Variants in NCOA1 observed in about 807,000 individuals in gnomAD.
NCOA1 encodes Hin-2 protein.
In NCOA1, 35 loss-of-function variants were observed where a neutral mutation model predicts 150.9. The observed-to-expected ratio is 0.23, with a 90% CI of 0.18 to 0.31. The LOEUF (loss-of-function observed/expected upper bound fraction) is 0.31. NCOA1 is among the 10% of genes least tolerant of loss of function. The pLI is 1.00. For synonymous variants in NCOA1, 590 were observed against 630.0 expected, an observed-to-expected ratio of 0.94 and a Z score of 0.95; for missense variants, 1,491 against 1,749.3, an observed-to-expected ratio of 0.85 and a Z score of 2.63.
chr2:24,514,963 C>T (rs562663781), intron 1 of NCOA1, among the ~76,000 whole-genome samples: 166 of 152,060 alleles, frequency 1.1e-3, no homozygotes, highest in African/African-American at 3.7e-3. Flanking sequence ...AGAGATGGTA[C>T]GGATTCATTG....
intron 8 of NCOA1, among the ~76,000 whole-genome samples, chr2:24,687,896 T>TA (rs1462216328): frequency 6.6e-6 from 1 of 152,182 alleles, no homozygotes; most frequent in Non-Finnish European, 1.5e-5. Context: ...CTGATCCTCT[T>TA]ACTCCTGCCA....
intron 1 of NCOA1, among the ~76,000 whole-genome samples, chr2:24,552,354 T>TATACATA (rs1491126634): frequency 2.9e-5 from 1 of 34,388 alleles, no homozygotes. Flanking sequence ...TATATATATA[T>TATACATA]TTTTTTTTTT....
chr2:24,694,429 TTA>T (rs910666514), intron 10 of NCOA1, among the ~76,000 whole-genome samples: 2 of 152,190 alleles, frequency 1.3e-5, no homozygotes, highest in African/African-American at 4.8e-5. Context: ...TTGTGAAAGT[TTA>T]GTTTTAGTGT....
At chr2:24,638,570 T>C (rs1670045631) in intron 3 of NCOA1, among the ~76,000 whole-genome samples, 1 of 152,186 alleles carries the variant, frequency 6.6e-6, no homozygotes. Context: ...CTCCATACTG[T>C]TCTCCATAGT....
At chr2:24,565,813 C>T (rs901801253) in intron 2 of NCOA1, among the ~76,000 whole-genome samples, 1 of 152,148 alleles carries the variant, frequency 6.6e-6, no homozygotes, top group Non-Finnish European at 1.5e-5. Flanking sequence ...CAGCTCCAGG[C>T]ATCAGCACGG....
rs201438071 is a variant in NCOA1 at position 24,629,807 on chromosome 2, AACATACAT to A, written c.-174-14153_-174-14146del. ...TCATGTGCCAGACACTGTTTTAAGT[AACATACAT>A]ACATATATATATATATATATATATA... On this transcript the variant is annotated intron_variant, in intron 3 of 22. Coordinates refer to ENST00000348332, the MANE Select transcript of NCOA1 (RefSeq NM_003743.5). Among the ~76,000 whole-genome samples, 11 of 107,380 alleles carry A rather than the reference AACATACAT, an allele frequency of 1.0e-4. 1 individual carries two copies. Among genetic ancestry groups the A allele is most frequent in the African/African-American group, 2.7e-4 (7 of 26,070 alleles). 70.4% of individuals were successfully genotyped at this position (107,380 alleles called of 152,430 possible).
intron 1 of NCOA1, among the ~76,000 whole-genome samples, chr2:24,548,183 A>G (rs959114998): frequency 1.3e-4 from 20 of 152,166 alleles, no homozygotes; most frequent in African/African-American, 4.6e-4. Flanking sequence ...ACAGTTCGAC[A>G]TGACTGGGGA....
intron 1 of NCOA1, among the ~76,000 whole-genome samples, chr2:24,561,659 A>G (rs1329720754): frequency 2.0e-5 from 3 of 152,196 alleles, no homozygotes; most frequent in Non-Finnish European, 4.4e-5. Context: ...AGCACTTTGT[A>G]TAGATAAAAA....
intron 2 of NCOA1, among the ~76,000 whole-genome samples, chr2:24,576,177 T>TG (rs1666972314): frequency 1.2e-5 from 1 of 85,428 alleles, no homozygotes; most frequent in African/African-American, 3.6e-5. Context: ...TTTGTTTTTT[T>TG]TTTTTTTTTT....
At chr2:24,606,849 C>T (rs897122722) in intron 3 of NCOA1, among the ~76,000 whole-genome samples, 1 of 152,012 alleles carries the variant, frequency 6.6e-6, no homozygotes, top group East Asian at 1.9e-4. Context: ...TGCATAAATT[C>T]GATATATTTT....
At chr2:24,655,349 G>A (rs1333291362) in intron 4 of NCOA1, among the ~76,000 whole-genome samples, 2 of 152,034 alleles carry the variant, frequency 1.3e-5, no homozygotes, top group Non-Finnish European at 2.9e-5. Context: ...CTATATGCTT[G>A]TATATACAGA....
At chr2:24,683,222 A>T in intron 8 of NCOA1, 94 bp downstream of exon 8, 20 of 705,080 alleles carry the variant, frequency 2.8e-5, no homozygotes, top group Non-Finnish European at 4.1e-5. Context: ...TTTATAATAC[A>T]CAGTATTATA....
In NCOA1 at chr2:24,707,775, G is replaced by A; in HGVS notation, c.2305G>A (p.Asp769Asn). ...AAGATCAACTCCAAACCTGAGCCTG[G>A]ATGATGTAAAGGTGAAAGTGGAAAA... ...DLRSTPNLSL[D>N]DVKVKVEKKE... Residue 769 changes from aspartate (D) to asparagine (N), a missense_variant, in exon 13 of 23, where the codon GAT (aspartate) becomes AAT (asparagine). By Grantham distance (23) the Asp-to-Asn change is conservative. Coordinates refer to ENST00000348332, the MANE Select transcript of NCOA1 (RefSeq NM_003743.5). 6.2e-7 allele frequency: 1 copy of A among 1,614,156 alleles called. No individual in the cohort carries two copies. Among genetic ancestry groups the A allele is most frequent in the Non-Finnish European group, 8.5e-7 (1 of 1,180,030 alleles).
chr2:24,599,924 T>G (rs1668040003), intron 3 of NCOA1, among the ~76,000 whole-genome samples: 1 of 151,992 alleles, frequency 6.6e-6, no homozygotes. Flanking sequence ...AGAGATGGGG[T>G]TTCACCATGT....
At chr2:24,667,328 C>T (rs1027123295) in intron 6 of NCOA1, among the ~76,000 whole-genome samples, 35 of 152,026 alleles carry the variant, frequency 2.3e-4, no homozygotes, top group African/African-American at 7.5e-4. Context: ...ACTGAGCAGT[C>T]GGAAGATGAA....
chr2:24,575,441 G>A (rs1558805682), intron 2 of NCOA1, among the ~76,000 whole-genome samples: 1 of 152,030 alleles, frequency 6.6e-6, no homozygotes, highest in African/African-American at 2.4e-5. Flanking sequence ...TGTCAGTTCT[G>A]GGTCTGTTTT....
rs1166510291 is a variant in NCOA1 at position 24,729,582 on chromosome 2, C to T, written c.2968C>T (p.Leu990Phe). 1 of 1,614,048 alleles carries T rather than the reference C, an allele frequency of 6.2e-7. No homozygotes were observed. Among genetic ancestry groups the T allele is most frequent in the Admixed American group, 1.7e-5 (1 of 60,006 alleles). ...TTTGATCATGGAAGAAAGACCCAAC[C>T]TTTATTCCCAGCCTTACTCTTCTCC... Reference protein sequence around the residue: ...PPLIMEERPNLYSQPYSSPSP... With the variant: ...PPLIMEERPNFYSQPYSSPSP... The change falls in exon 17 of 23, where the codon CTT becomes TTT. Residue 990 changes from leucine to phenylalanine, a missense_variant. Around this residue, in one of 8 missense-constraint regions of NCOA1, gnomAD observed 485 missense variants for 522.8 expected, o/e 0.93. Coordinates refer to ENST00000348332, the MANE Select transcript of NCOA1 (RefSeq NM_003743.5).
chr2:24,680,237 C>T (rs1436286721), intron 7 of NCOA1, among the ~76,000 whole-genome samples: 3 of 152,164 alleles, frequency 2.0e-5, no homozygotes, highest in African/African-American at 4.8e-5. Flanking sequence ...CCTACTACTT[C>T]CCATAATAGA....
intron 1 of NCOA1, among the ~76,000 whole-genome samples, chr2:24,509,224 A>T (rs1050042162): frequency 1.3e-5 from 2 of 152,244 alleles, no homozygotes; most frequent in Admixed American, 6.5e-5. Flanking sequence ...GCCAGACATT[A>T]TCATATTTAT....
Sources: gnomAD v4.1 joint callset for allele counts (sites outside exome capture counted in the v4.1 genomes callset) on GRCh38, gnomAD v4.1.1 for gene constraint, gnomAD v4.1.1 regional missense constraint, MANE v1.5 for transcripts, NCBI Gene and HGNC (gene_info 2026-07-23, HGNC 2026-07-21) for gene names.